Variants in PCDHB4 observed in about 807,000 individuals in gnomAD.
PCDHB4 encodes the protein protocadherin beta 4, also known as protocadherin beta-4.
For synonymous variants in PCDHB4, 482 were observed against 447.3 expected (o/e 1.08, Z -0.98); for missense variants, 1,063 against 1,007.0 (o/e 1.06, Z -0.75).
At position 141,123,660 on chromosome 5, in the gene PCDHB4, C is replaced by A. The variant is rs782323296; in HGVS notation, c.1662C>A (p.Asn554Lys). ...ALVRVLVLDTNDNSPFVLYPL... is the reference protein window; with the variant it reads ...ALVRVLVLDTKDNSPFVLYPL... Reference sequence around the variant, plus strand: ...TGCGCGTGCTGGTGCTGGACACCAACGACAACTCGCCCTTCGTGCTGTACC... The same window carrying A: ...TGCGCGTGCTGGTGCTGGACACCAAAGACAACTCGCCCTTCGTGCTGTACC... Residue 554 changes from asparagine to lysine, a missense_variant, in exon 1 of 1, where the codon AAC becomes AAA. Coordinates refer to ENST00000194152, the MANE Select transcript of PCDHB4 (RefSeq NM_018938.4). 6.2e-7 allele frequency: 1 copy of A among 1,611,590 alleles called. No homozygotes were observed. The highest frequency in any genetic ancestry group is 8.5e-7 in the Non-Finnish European group (1 of 1,179,614).
chr5:141,124,113 C>G lies in PCDHB4; in HGVS notation c.2115C>G (p.Leu705=), dbSNP rs1752366505. Residue 705 remains leucine, a synonymous_variant, in exon 1 of 1, where the codon CTC becomes CTG. Coordinates refer to ENST00000194152, the MANE Select transcript of PCDHB4 (RefSeq NM_018938.4). ...CGTCGCTCTTCCTCTTCTCGGTGCT[C>G]CTGTTCGTGGCGGTGCGGCTGTGCA... ...SVSSLFLFSV[L]LFVAVRLCRR... 7 of 1,610,492 alleles carry G rather than the reference C, an allele frequency of 4.3e-6. No homozygotes were observed. The South Asian group carries it at 7.7e-5, about 18-fold the overall frequency.
chr5:141,121,911 G>C lies in PCDHB4; in HGVS notation c.-88G>C, dbSNP rs531322830. ...TTAATATTAAAAGCAACTGTGTGAC[G>C]ATTCCTCCAAGCAAGAAATTGGAAT... On this transcript the variant is annotated 5_prime_UTR_variant, in exon 1 of 1. Coordinates refer to ENST00000194152, the MANE Select transcript of PCDHB4 (RefSeq NM_018938.4). 2.1e-6 allele frequency: 2 copies of C among 933,908 alleles called. No homozygotes were observed. Among genetic ancestry groups the C allele is most frequent in the East Asian group, 5.0e-5 (2 of 40,398 alleles). The allele number at this position is 933,908 out of a possible 1,614,324, so 57.9% of individuals were successfully genotyped here. A position where few individuals can be genotyped will look rare whatever the true frequency, so the allele number is the denominator to read the frequency against.
Position 141,124,033 on chromosome 5 carries a change from C to G in PCDHB4, c.2035C>G (p.Gln679Glu), listed in dbSNP as rs1554274698. The G allele has an allele frequency of 1.9e-6, 3 of 1,606,090 alleles. No individual in the cohort carries two copies. The highest frequency in any genetic ancestry group is 3.3e-5 in the Admixed American group (2 of 60,022). ...GCCTCTCCCTGAGGCGGCCCCGGCC[C>G]AGGCCCAGGCCGACTCTCTCACCGT... ...YLPLPEAAPA[Q>E]AQADSLTVYL... Residue 679 changes from glutamine to glutamate, a missense_variant, in exon 1 of 1, where the codon CAG (glutamine) becomes GAG (glutamate). Physicochemically the swap from Gln to Glu is conservative, Grantham distance 29. Transcript: ENST00000194152.
Position 141,122,645 on chromosome 5 carries a change from G to T in PCDHB4, c.647G>T (p.Gly216Val), listed in dbSNP as rs1752310889. Reference protein sequence around the residue: ...EFSLTLVALDGGSPPRSGTVM... With the variant: ...EFSLTLVALDVGSPPRSGTVM... ...AGCTTAACCCTCGTGGCGCTGGATGGTGGGTCACCACCTAGGTCTGGCACG... is the reference window on the plus strand; with the variant it reads ...AGCTTAACCCTCGTGGCGCTGGATGTTGGGTCACCACCTAGGTCTGGCACG... Residue 216 changes from glycine to valine, a missense_variant, in exon 1 of 1, where the codon GGT becomes GTT. Physicochemically the swap from Gly to Val is moderately radical, Grantham distance 109. Transcript: ENST00000194152. 1 of 1,614,202 alleles carries T rather than the reference G, an allele frequency of 6.2e-7. No individual in the cohort carries two copies. The highest frequency in any genetic ancestry group is 8.5e-7 in the Non-Finnish European group (1 of 1,180,038).
At position 141,124,152 on chromosome 5, in the gene PCDHB4, G is replaced by T. The variant is rs1554274730; in HGVS notation, c.2154G>T (p.Ala718=). The change falls in exon 1 of 1, where the codon GCG becomes GCT. Residue 718 remains alanine (A), a synonymous_variant. Transcript: ENST00000194152. ...TGCGGCTGTGCAGGAGGAGCAGGGC[G>T]GCCTCGGTGGGTCGCTGCTCGGTGC... ...VAVRLCRRSR[A]ASVGRCSVPE... The T allele has an allele frequency of 6.2e-7, 1 of 1,612,334 alleles. No homozygotes were observed. The highest frequency in any genetic ancestry group is 1.3e-5 in the African/African-American group (1 of 74,898).
chr5:141,124,285 T>C lies in PCDHB4; in HGVS notation c.2287T>C (p.Phe763Leu). The C allele has an allele frequency of 1.2e-6, 2 of 1,614,092 alleles. No individual in the cohort carries two copies. Among genetic ancestry groups the C allele is most frequent in the Non-Finnish European group, 1.7e-6 (2 of 1,180,020 alleles). ...GACAGGAGACTCTGGGACTGGTGAGTTCAAGTTCCTGAAGCCAATATTTCC... is the reference window on the plus strand; with the variant it reads ...GACAGGAGACTCTGGGACTGGTGAGCTCAAGTTCCTGAAGCCAATATTTCC... ...CLTGDSGTGEFKFLKPIFPNL... is the reference protein window; with the variant it reads ...CLTGDSGTGELKFLKPIFPNL... The change falls in exon 1 of 1, where the codon TTC (phenylalanine) becomes CTC (leucine). Residue 763 changes from phenylalanine to leucine, a missense_variant. Physicochemically the swap from Phe to Leu is conservative, Grantham distance 22. Transcript: ENST00000194152.
At position 141,123,585 on chromosome 5, in the gene PCDHB4, C is replaced by T; in HGVS notation, c.1587C>T (p.Arg529=). The T allele has an allele frequency of 6.2e-7, 1 of 1,612,532 alleles. No homozygotes were observed. Among genetic ancestry groups the T allele is most frequent in the Non-Finnish European group, 8.5e-7 (1 of 1,179,814 alleles). ...AGGCCCTGCAGGCGTTCGAGTTCCGCGTGGGCGCCTCAGACCGCGGTTCTC... is the reference window on the plus strand; with the variant it reads ...AGGCCCTGCAGGCGTTCGAGTTCCGTGTGGGCGCCTCAGACCGCGGTTCTC... ...DYEALQAFEF[R]VGASDRGSPA... is the part of the protein sequence containing the mutation. The change falls in exon 1 of 1, where the codon CGC becomes CGT. Residue 529 remains arginine, a synonymous_variant. Coordinates refer to ENST00000194152, the MANE Select transcript of PCDHB4 (RefSeq NM_018938.4).
In PCDHB4 at chr5:141,122,852, A is replaced by T. The variant is rs782065445; in HGVS notation, c.854A>T (p.Asp285Val). The change falls in exon 1 of 1, where the codon GAT becomes GTT. Residue 285 changes from aspartate to valine, a missense_variant. Asp to Val is a radical substitution (Grantham distance 152). Transcript: ENST00000194152. The part of the protein sequence containing the change: ...SVSYGLFQAS[D>V]EIKQTFSINE... ...TCTTATGGCTTATTCCAAGCATCAG[A>T]TGAAATTAAACAAACTTTCTCAATA... 1 of 1,614,070 alleles carries T rather than the reference A, an allele frequency of 6.2e-7. No individual in the cohort carries two copies. The highest frequency in any genetic ancestry group is 1.7e-5 in the Admixed American group (1 of 60,014).
chr5:141,124,971 C>G lies in PCDHB4; in HGVS notation c.*585C>G, dbSNP rs1485509668. On this transcript the variant is annotated 3_prime_UTR_variant, in exon 1 of 1. Coordinates refer to ENST00000194152, the MANE Select transcript of PCDHB4 (RefSeq NM_018938.4). The stretch of plus-strand genomic sequence containing the variant: ...ATACACTAAAATTGTGGTCCTTTTC[C>G]TCTTGTGACCACCACATGTCTAGTG... 2 of 152,094 alleles carry G rather than the reference C, an allele frequency of 1.3e-5. No individual in the cohort carries two copies. The highest frequency in any genetic ancestry group is 6.5e-5 in the Admixed American group (1 of 15,274). The allele number at this position is 152,094 out of a possible 1,614,324, so 9.4% of individuals were successfully genotyped here.
rs782677046 is a variant in PCDHB4 at position 141,123,950 on chromosome 5, G to C, written c.1952G>C (p.Arg651Pro). The C allele has an allele frequency of 9.4e-6, 15 of 1,604,136 alleles. No individual in the cohort carries two copies. Among genetic ancestry groups the C allele is most frequent in the African/African-American group, 2.7e-5 (2 of 74,862 alleles). Residue 651 changes from arginine (R) to proline (P), a missense_variant, in exon 1 of 1, where the codon CGC (arginine) becomes CCC (proline). Coordinates refer to ENST00000194152, the MANE Select transcript of PCDHB4 (RefSeq NM_018938.4). ...VLVKDNGEPP[R>P]SATATLHVLL... ...GTCAAGGACAATGGCGAGCCTCCGCGCTCGGCCACCGCCACGCTGCACGTG... is the reference window on the plus strand; with the variant it reads ...GTCAAGGACAATGGCGAGCCTCCGCCCTCGGCCACCGCCACGCTGCACGTG...
rs17844414 is a variant in PCDHB4 at position 141,123,570 on chromosome 5, G to A, written c.1572G>A (p.Gln524=). Residue 524 remains glutamine (Q), a synonymous_variant, in exon 1 of 1, where the codon CAG becomes CAA. Coordinates refer to ENST00000194152, the MANE Select transcript of PCDHB4 (RefSeq NM_018938.4). ...GGTCGCTGGACTACGAGGCCCTGCA[G>A]GCGTTCGAGTTCCGCGTGGGCGCCT... The part of the protein sequence containing the change: ...ALRSLDYEAL[Q]AFEFRVGASD... The A allele has an allele frequency of 1.9e-4, 301 of 1,612,766 alleles. 2 individuals are homozygous for A. The East Asian group carries it at 5.8e-3, about 31-fold the overall frequency.
chr5:141,123,947 C>T lies in PCDHB4; in HGVS notation c.1949C>T (p.Pro650Leu), dbSNP rs782639439. 6.2e-7 allele frequency: 1 copy of T among 1,604,312 alleles called. No individual in the cohort carries two copies. Among genetic ancestry groups the T allele is most frequent in the African/African-American group, 1.3e-5 (1 of 74,870 alleles). ...CTTGTCAAGGACAATGGCGAGCCTC[C>T]GCGCTCGGCCACCGCCACGCTGCAC... ...VVLVKDNGEP[P>L]RSATATLHVL... Residue 650 changes from proline (P) to leucine (L), a missense_variant, in exon 1 of 1, where the codon CCG becomes CTG. Pro to Leu is a moderately conservative substitution (Grantham distance 98). Coordinates refer to ENST00000194152, the MANE Select transcript of PCDHB4 (RefSeq NM_018938.4).
rs1273970404 is a variant in PCDHB4 at position 141,124,986 on chromosome 5, C to T, written c.*600C>T. 6.6e-6 allele frequency: 1 copy of T among 152,118 alleles called. No individual in the cohort carries two copies. Among genetic ancestry groups the T allele is most frequent in the Non-Finnish European group, 1.5e-5 (1 of 67,990 alleles). 9.4% of individuals were successfully genotyped at this position (152,118 alleles called of 1,614,324 possible). On this transcript the variant is annotated 3_prime_UTR_variant, in exon 1 of 1. Transcript: ENST00000194152. ...GGTCCTTTTCCTCTTGTGACCACCA[C>T]ATGTCTAGTGATTATTTTGTTTATT...
Position 141,123,119 on chromosome 5 carries a change from C to G in PCDHB4, c.1121C>G (p.Ser374Cys). 1 of 1,613,904 alleles carries G rather than the reference C, an allele frequency of 6.2e-7. No homozygotes were observed. The highest frequency in any genetic ancestry group is 1.6e-4 in the Middle Eastern group (1 of 6,062). Residue 374 changes from serine (S) to cysteine (C), a missense_variant, in exon 1 of 1, where the codon TCC becomes TGC. Coordinates refer to ENST00000194152, the MANE Select transcript of PCDHB4 (RefSeq NM_018938.4). The part of the protein sequence containing the change: ...VSIFRIRDRD[S>C]GENGKMICSI... Reference sequence around the variant, plus strand: ...ATCTTCCGAATTCGAGATAGAGATTCCGGAGAAAATGGAAAGATGATTTGC... The same window carrying G: ...ATCTTCCGAATTCGAGATAGAGATTGCGGAGAAAATGGAAAGATGATTTGC...
Position 141,123,514 on chromosome 5 carries a change from A to T in PCDHB4, c.1516A>T (p.Asn506Tyr), listed in dbSNP as rs1752343388. ...GCCCCTCGCCTCCCTGGTCTCCATC[A>T]ACGCAGACAACGGCCACCTGTTCGC... ...HLPLASLVSI[N>Y]ADNGHLFALR... Residue 506 changes from asparagine (N) to tyrosine (Y), a missense_variant, in exon 1 of 1, where the codon AAC becomes TAC. Physicochemically the swap from Asn to Tyr is moderately radical, Grantham distance 143 (BLOSUM62 -2). Coordinates refer to ENST00000194152, the MANE Select transcript of PCDHB4 (RefSeq NM_018938.4). 1 of 1,613,334 alleles carries T rather than the reference A, an allele frequency of 6.2e-7. No individual in the cohort carries two copies. Among genetic ancestry groups the T allele is most frequent in the Non-Finnish European group, 8.5e-7 (1 of 1,179,988 alleles).
At position 141,123,869 on chromosome 5, in the gene PCDHB4, G is replaced by T; in HGVS notation, c.1871G>T (p.Arg624Leu). 6.2e-7 allele frequency: 1 copy of T among 1,607,370 alleles called. No individual in the cohort carries two copies. Among genetic ancestry groups the T allele is most frequent in the African/African-American group, 1.3e-5 (1 of 74,996 alleles). ...GTGTGGGCGCACAATGGCGAGGTGC[G>T]CACCGCCAGGCTGCTGAGCGAGCGC... ...FGVWAHNGEV[R>L]TARLLSERDA... Residue 624 changes from arginine (R) to leucine (L), a missense_variant, in exon 1 of 1, where the codon CGC becomes CTC. Arg to Leu is a moderately radical substitution (Grantham distance 102). Transcript: ENST00000194152.
rs1554274498 is a variant in PCDHB4 at position 141,123,237 on chromosome 5, C to A, written c.1239C>A (p.Ser413Arg). The change falls in exon 1 of 1, where the codon AGC becomes AGA. Residue 413 changes from serine (S) to arginine (R), a missense_variant. Transcript: ENST00000194152. Reference sequence around the variant, plus strand: ...AGAGACCACTGGACCGAGAGACCAGCGCTGAGTACAACATCACCATCGCCG... The same window carrying A: ...AGAGACCACTGGACCGAGAGACCAGAGCTGAGTACAACATCACCATCGCCG... Reference protein sequence around the residue: ...VTERPLDRETSAEYNITIAVT... With the variant: ...VTERPLDRETRAEYNITIAVT... 1.5e-5 allele frequency: 25 copies of A among 1,614,186 alleles called. No individual in the cohort carries two copies. Among genetic ancestry groups the A allele is most frequent in the Non-Finnish European group, 2.0e-5 (24 of 1,180,052 alleles).
At position 141,123,544 on chromosome 5, in the gene PCDHB4, A is replaced by C; in HGVS notation, c.1546A>C (p.Arg516=). 2 of 1,613,164 alleles carry C rather than the reference A, an allele frequency of 1.2e-6. No homozygotes were observed. Among genetic ancestry groups the C allele is most frequent in the Admixed American group, 1.7e-5 (1 of 60,022 alleles). ...NADNGHLFAL[R]SLDYEALQAF... is the part of the protein sequence containing the mutation. The stretch of plus-strand genomic sequence containing the variant: ...AGACAACGGCCACCTGTTCGCCCTC[A>C]GGTCGCTGGACTACGAGGCCCTGCA... Residue 516 remains arginine (R), a synonymous_variant, in exon 1 of 1, where the codon AGG becomes CGG. Transcript: ENST00000194152.
rs368263767 is a variant in PCDHB4 at position 141,125,384 on chromosome 5, G to A, written c.*998G>A. The A allele has an allele frequency of 2.0e-5, 3 of 152,214 alleles. No individual in the cohort carries two copies. In the East Asian group the frequency reaches 5.8e-4, roughly 29 times the overall value. The allele number at this position is 152,214 out of a possible 1,614,324, so 9.4% of individuals were successfully genotyped here. On this transcript the variant is annotated 3_prime_UTR_variant, in exon 1 of 1. Coordinates refer to ENST00000194152, the MANE Select transcript of PCDHB4 (RefSeq NM_018938.4). ...ATTTCTTCTGCACCTTGGCTATTCT[G>A]TTTAAATCTGATAATCAGTTGATCT...
Sources: allele counts gnomAD v4.1 joint callset, GRCh38; gene constraint gnomAD v4.1.1; transcripts MANE v1.5; gene names NCBI Gene and HGNC (gene_info 2026-07-23, HGNC 2026-07-21).